Variants in PRELID2 observed in about 807,000 individuals in gnomAD.
PRELID2 encodes PRELI domain containing 2.
In PRELID2, 25 loss-of-function variants were observed where a neutral mutation model predicts 28.4. The ratio of observed to expected loss-of-function variants is 0.88; its 90% confidence interval spans 0.64 to 1.23. PRELID2 has a LOEUF of 1.23. Among genes scored for constraint, PRELID2 ranks in the 50% most tolerant of loss-of-function variants. The pLI, the probability that PRELID2 is intolerant of heterozygous loss-of-function variation, is 0.00. For missense variants in PRELID2, 201 were observed against 214.4 expected, an observed-to-expected ratio of 0.94 and a Z score of 0.39; for synonymous variants, 76 against 71.6, an observed-to-expected ratio of 1.06 and a Z score of -0.31.
chr5:145,312,717 T>C, the PRELID2 span, among the ~76,000 whole-genome samples: 2 of 152,192 alleles, frequency 1.3e-5, no homozygotes, highest in East Asian at 3.8e-4. Context: ...TGAATAGTAT[T>C]CCATTGTGTA....
the PRELID2 span, among the ~76,000 whole-genome samples, chr5:145,455,629 G>T: frequency 6.6e-6 from 1 of 152,064 alleles, no homozygotes; most frequent in Non-Finnish European, 1.5e-5. Context: ...TTGAGCAGTG[G>T]TTTGTAGTTC....
intron 1 of PRELID2, among the ~76,000 whole-genome samples, chr5:145,654,074 C>A (rs1051108045): frequency 2.0e-5 from 3 of 152,146 alleles, no homozygotes; most frequent in African/African-American, 7.2e-5. Flanking sequence ...GATATCACCA[C>A]CGATCCCACA....
intron 1 of PRELID2, chr5:145,729,132 T>C: frequency 6.7e-6 from 4 of 600,918 alleles, no homozygotes; most frequent in Non-Finnish European, 1.2e-5. Context: ...TACTCAGCTT[T>C]CCCACTGAGC....
chr5:145,594,310 A>G (rs879266196), intron 1 of PRELID2, among the ~76,000 whole-genome samples: 1 of 152,176 alleles, frequency 6.6e-6, no homozygotes, highest in Non-Finnish European at 1.5e-5. Context: ...ATTTGTGCCA[A>G]CTGATAAAAA....
the PRELID2 span, among the ~76,000 whole-genome samples, chr5:145,283,851 T>A: frequency 1.3e-5 from 2 of 152,320 alleles, no homozygotes; most frequent in Admixed American, 1.3e-4. Flanking sequence ...ATTATGTATG[T>A]TCAGCTAAAA....
intron 1 of PRELID2, among the ~76,000 whole-genome samples, chr5:145,572,015 A>C (rs1753019310): frequency 1.3e-5 from 2 of 152,016 alleles, no homozygotes; most frequent in Admixed American, 1.3e-4. Flanking sequence ...GAAAAAAAAG[A>C]AGCATTTACA....
intron 1 of PRELID2, among the ~76,000 whole-genome samples, chr5:145,704,968 G>A (rs1755505591): frequency 6.6e-6 from 1 of 152,100 alleles, no homozygotes; most frequent in African/African-American, 2.4e-5. Context: ...TGAGCCCAGG[G>A]GTTGCAGGGC....
chr5:145,615,158 T>C (rs1753676325), intron 1 of PRELID2, among the ~76,000 whole-genome samples: 1 of 152,168 alleles, frequency 6.6e-6, no homozygotes, highest in Non-Finnish European at 1.5e-5. Flanking sequence ...CATTATAAAA[T>C]GTCCCTCTTT....
chr5:145,693,502 C>T (rs1035110193), intron 1 of PRELID2, among the ~76,000 whole-genome samples: 3 of 150,976 alleles, frequency 2.0e-5, no homozygotes, highest in Non-Finnish European at 4.4e-5. Flanking sequence ...GGTGCAGTGG[C>T]TCATACCTAT....
the PRELID2 span, among the ~76,000 whole-genome samples, chr5:145,357,161 G>A: frequency 6.6e-6 from 1 of 152,066 alleles, no homozygotes; most frequent in Non-Finnish European, 1.5e-5. Flanking sequence ...CTCTCTAGCT[G>A]CCTTTAACAT....
intron 1 of PRELID2, among the ~76,000 whole-genome samples, chr5:145,640,575 C>T (rs1271220667): frequency 1.4e-5 from 2 of 146,070 alleles, no homozygotes; most frequent in Admixed American, 7.0e-5. Flanking sequence ...ACCCGGGAGG[C>T]GGAGCTTGCA....
At chr5:145,677,152 G>GT (rs756255750) in intron 1 of PRELID2, among the ~76,000 whole-genome samples, 5,312 of 124,004 alleles carry the variant, frequency 0.043, 242 homozygotes, top group African/African-American at 0.092. Context: ...TTTGGTTTTG[G>GT]TTTTTTTTTT....
In PRELID2 at chr5:145,653,340, A is replaced by G. The variant is rs1754333305; in HGVS notation, n.70+111591T>C. ...CCCACTGTCAATATTAGACAGATCA[A>G]CAAGACAGAAAATTAACAAGGATAT... On this transcript the variant is annotated intron_variant and non_coding_transcript_variant, in intron 1 of 2. Coordinates refer to the PRELID2 transcript ENST00000510259. Among the ~76,000 whole-genome samples, 3 of 152,210 alleles carry G rather than the reference A, an allele frequency of 2.0e-5. No individual in the cohort carries two copies. The South Asian group carries it at 6.2e-4, about 32-fold the overall frequency.
At chr5:145,535,041 C>T (rs1241475506) in intron 1 of PRELID2, among the ~76,000 whole-genome samples, 1 of 151,954 alleles carries the variant, frequency 6.6e-6, no homozygotes, top group Non-Finnish European at 1.5e-5. Flanking sequence ...TTCATCTCTG[C>T]CATTCCACAG....
chr5:145,821,154 T>G (rs550951532), intron 2 of PRELID2, among the ~76,000 whole-genome samples: 149 of 85,052 alleles, frequency 1.8e-3, no homozygotes, highest in Middle Eastern at 0.013. Flanking sequence ...CTCTCCTGGG[T>G]GTGTGTGTGT....
intron 1 of PRELID2, among the ~76,000 whole-genome samples, chr5:145,736,329 CTTCA>C (rs1055626619): frequency 2.6e-5 from 4 of 152,176 alleles, no homozygotes; most frequent in South Asian, 2.1e-4. Flanking sequence ...CTTATTTATT[CTTCA>C]TTGTCAGAAT....
chr5:145,522,341 A>G (rs1752569663), intron 1 of PRELID2, among the ~76,000 whole-genome samples: 1 of 152,070 alleles, frequency 6.6e-6, no homozygotes, highest in Admixed American at 6.6e-5. Context: ...TACTACATGT[A>G]GCTTCTGCAA....
chr5:145,369,307 T>C, the PRELID2 span, among the ~76,000 whole-genome samples: 4 of 152,054 alleles, frequency 2.6e-5, no homozygotes, highest in African/African-American at 9.7e-5. Context: ...TGGTGTGTGT[T>C]GTTTCCCTCA....
Position 145,629,571 on chromosome 5 carries a change from A to AT in PRELID2, n.70+135359_70+135360insA, listed in dbSNP as rs559649792. ...TGAAAACCACAATGATGATAATAAC[A>AT]ATTATAACAAGTATGGAGGCTTAAT... On this transcript the variant is annotated intron_variant and non_coding_transcript_variant, in intron 1 of 2. Transcript: ENST00000510259. Among the ~76,000 whole-genome samples the AT allele has an allele frequency of 1.3e-3, 194 of 152,322 alleles. 2 individuals are homozygous for AT. Among genetic ancestry groups the AT allele is most frequent in the African/African-American group, 4.6e-3 (190 of 41,550 alleles).
Sources: allele counts gnomAD v4.1 joint callset (sites outside exome capture counted in the v4.1 genomes callset), GRCh38; gene constraint gnomAD v4.1.1; transcripts MANE v1.5; gene names NCBI Gene and HGNC (gene_info 2026-07-23, HGNC 2026-07-21).